The following MECOM variants were observed in gnomAD, a reference collection of about 807,000 sequenced individuals.
MECOM encodes the protein histone-lysine N-methyltransferase MECOM.
A neutral mutation model predicts 116.3 loss-of-function variants in MECOM; 13 were observed. The observed-to-expected ratio is 0.11, with a 90% CI of 0.07 to 0.18. The LOEUF (loss-of-function observed/expected upper bound fraction) is 0.18. Among genes scored for constraint, MECOM ranks in the 10% least tolerant of loss-of-function variants. The pLI is 1.00. For missense variants in MECOM, 1,299 were observed against 1,509.0 expected (o/e 0.86, Z 2.31); for synonymous variants, 528 against 535.2 (o/e 0.99, Z 0.19).
chr3:169,097,255 G>A (rs748052443), intron 12 of MECOM, among the ~76,000 whole-genome samples: 2 of 151,958 alleles, frequency 1.3e-5, no homozygotes, highest in East Asian at 1.9e-4. Context: ...AATCTAGTAA[G>A]CACCATCTTC....
At chr3:169,219,638 A>T (rs1462626657) in intron 2 of MECOM, among the ~76,000 whole-genome samples, 1 of 152,150 alleles carries the variant, frequency 6.6e-6, no homozygotes, top group African/African-American at 2.4e-5. Context: ...GAGCACACAC[A>T]TGTAGCTACA....
At chr3:169,391,977 T>G (rs1441571368) in intron 1 of MECOM, among the ~76,000 whole-genome samples, 1 of 152,226 alleles carries the variant, frequency 6.6e-6, no homozygotes, top group African/African-American at 2.4e-5. Context: ...TACTATCGTT[T>G]GCAGCAAGAG....
At chr3:169,464,886 T>C (rs1229192366) in intron 1 of MECOM, among the ~76,000 whole-genome samples, 2 of 152,082 alleles carry the variant, frequency 1.3e-5, no homozygotes, top group African/African-American at 4.8e-5. Flanking sequence ...AAATAGTAAA[T>C]TTTTAGTGTT....
At chr3:169,224,713 T>G (rs766224312) in intron 2 of MECOM, among the ~76,000 whole-genome samples, 5 of 152,214 alleles carry the variant, frequency 3.3e-5, no homozygotes, top group Non-Finnish European at 7.3e-5. Context: ...ATAGTTGGCC[T>G]GAGTTTAAAA....
intron 1 of MECOM, among the ~76,000 whole-genome samples, chr3:169,398,729 C>T (rs1034663593): frequency 6.6e-6 from 1 of 152,136 alleles, no homozygotes; most frequent in African/African-American, 2.4e-5. Flanking sequence ...GTGAGCAAGA[C>T]CAACAATACT....
intron 1 of MECOM, among the ~76,000 whole-genome samples, chr3:169,472,676 AGGAG>A (rs1749729135): frequency 1.3e-5 from 1 of 75,776 alleles, no homozygotes; most frequent in African/African-American, 4.9e-5. Context: ...AGGAAAGGAG[AGGAG>A]AGGAAAGGAA....
intron 2 of MECOM, among the ~76,000 whole-genome samples, 171 bp from the exon 3 acceptor site, chr3:169,144,003 C>A (rs1034376743): frequency 3.9e-5 from 6 of 152,108 alleles, no homozygotes; most frequent in Non-Finnish European, 7.4e-5. Context: ...TTGAAAATGA[C>A]AACATACTGC....
At chr3:169,547,204 A>G (rs771301890) in intron 1 of MECOM, among the ~76,000 whole-genome samples, 1 of 152,120 alleles carries the variant, frequency 6.6e-6, no homozygotes, top group Non-Finnish European at 1.5e-5. Context: ...GTTGGAAAGT[A>G]TGTGGCACTT....
intron 2 of MECOM, among the ~76,000 whole-genome samples, chr3:169,272,305 A>G (rs893226812): frequency 2.6e-5 from 4 of 152,176 alleles, no homozygotes; most frequent in Non-Finnish European, 5.9e-5. Flanking sequence ...AGTGGCTAAC[A>G]TGGGAGTTGG....
intron 1 of MECOM, among the ~76,000 whole-genome samples, chr3:169,509,009 T>TA (rs1755633299): frequency 1.3e-5 from 2 of 152,208 alleles, no homozygotes; most frequent in African/African-American, 4.8e-5. Context: ...ATATAGGCCT[T>TA]TAAAGTTGCT....
At chr3:169,433,568 G>T (rs983138058) in intron 1 of MECOM, among the ~76,000 whole-genome samples, 3 of 145,506 alleles carry the variant, frequency 2.1e-5, no homozygotes, top group Non-Finnish European at 3.0e-5. Flanking sequence ...GAGGAAGGAA[G>T]GAAGGAAGGA....
intron 1 of MECOM, among the ~76,000 whole-genome samples, chr3:169,486,198 A>G (rs1171070675): frequency 6.6e-6 from 1 of 151,388 alleles, no homozygotes; most frequent in Non-Finnish European, 1.5e-5. Context: ...AAACAAAATT[A>G]TATTCAACCC....
chr3:169,203,089 G>A (rs1445919588), intron 2 of MECOM, among the ~76,000 whole-genome samples: 2 of 152,068 alleles, frequency 1.3e-5, no homozygotes, highest in African/African-American at 4.8e-5. Flanking sequence ...ATGGTATATT[G>A]AGGATAAGCA....
chr3:169,662,718 G>T (rs976141843), intron 1 of MECOM, among the ~76,000 whole-genome samples: 2 of 151,888 alleles, frequency 1.3e-5, no homozygotes, highest in East Asian at 1.9e-4. Context: ...CAGTCCACCC[G>T]CCCGCCCGCG....
chr3:169,212,631 G>T (rs1750875391), intron 2 of MECOM, among the ~76,000 whole-genome samples: 1 of 81,572 alleles, frequency 1.2e-5, no homozygotes, highest in Non-Finnish European at 2.3e-5. Context: ...CTTCTAGTCA[G>T]CAATGTATAT....
At chr3:169,401,645 C>A (rs919668486) in intron 1 of MECOM, among the ~76,000 whole-genome samples, 24 of 152,032 alleles carry the variant, frequency 1.6e-4, no homozygotes, top group Non-Finnish European at 3.1e-4. Flanking sequence ...TGGCCACACC[C>A]AAGAAGGGAA....
intron 1 of MECOM, among the ~76,000 whole-genome samples, chr3:169,596,437 T>C (rs1477314822): frequency 1.3e-5 from 2 of 152,224 alleles, no homozygotes; most frequent in Non-Finnish European, 2.9e-5. Flanking sequence ...AGTTCCTCCT[T>C]GTAGACCACC....
At chr3:169,218,651 C>T (rs1468532673) in intron 2 of MECOM, among the ~76,000 whole-genome samples, 2 of 152,098 alleles carry the variant, frequency 1.3e-5, no homozygotes, top group Admixed American at 6.5e-5. Context: ...ATACTGTATC[C>T]AATTAGGAAA....
chr3:169,632,418 A>G (rs1212752598), intron 1 of MECOM, among the ~76,000 whole-genome samples: 2 of 152,130 alleles, frequency 1.3e-5, no homozygotes, highest in Non-Finnish European at 2.9e-5. Context: ...TTATAGCTTC[A>G]TTTTACAGAC....
Sources: gnomAD v4.1 joint callset for allele counts (sites outside exome capture counted in the v4.1 genomes callset) on GRCh38, gnomAD v4.1.1 for gene constraint, MANE v1.5 for transcripts, NCBI Gene and HGNC (gene_info 2026-07-23, HGNC 2026-07-21) for gene names.